The following EHF variants were observed in gnomAD, a reference collection of about 807,000 sequenced individuals.
The protein encoded by EHF is ETS homologous factor, also known as ESE3 transcription factor.
Under a neutral mutation model 45.1 loss-of-function variants are expected in EHF, and 14 were observed. That is an observed-to-expected ratio of 0.31 (90% CI 0.21 to 0.49). The LOEUF is 0.49. Among genes scored for constraint, EHF ranks in the 20% least tolerant of loss-of-function variants. The pLI, the probability that EHF is intolerant of heterozygous loss-of-function variation, is 0.99. For synonymous variants in EHF, 136 were observed against 131.8 expected, an observed-to-expected ratio of 1.03 and a Z score of -0.22; for missense variants, 282 against 371.4, an observed-to-expected ratio of 0.76 and a Z score of 1.98.
Position 34,628,804 on chromosome 11 carries a change from AAGTG to A in EHF, c.-4+7577_-4+7580del, listed in dbSNP as rs199695718. On this transcript the variant is annotated intron_variant, in intron 1 of 8. Transcript: ENST00000257831. ...GAAACATGGGTACAGGTGAAGGCAA[AAGTG>A]GGGACTGACCCTTTGGAGATGGCTG... Among the ~76,000 whole-genome samples, 174 of 152,254 alleles carry A rather than the reference AAGTG, an allele frequency of 1.1e-3. 1 individual carries two copies. Among genetic ancestry groups the A allele is most frequent in the African/African-American group, 4.0e-3 (168 of 41,524 alleles).
intron 6 of EHF, among the ~76,000 whole-genome samples, chr11:34,653,242 A>T (rs777418093): frequency 2.6e-5 from 4 of 152,092 alleles, no homozygotes; most frequent in African/African-American, 4.8e-5. Context: ...CTAAGAATAA[A>T]GCTGAACCAA....
chr11:34,648,638 T>C (rs1854822436), intron 3 of EHF, among the ~76,000 whole-genome samples: 1 of 152,222 alleles, frequency 6.6e-6, no homozygotes, highest in Non-Finnish European at 1.5e-5. Context: ...AGAAGTCATC[T>C]AGTGACCTTA....
Position 34,656,866 on chromosome 11 carries a change from T to C in EHF, c.545-42T>C, listed in dbSNP as rs754346123. ...GATGCATGAATAAAAAAGAGAATTA[T>C]AGGAAATAGGTCAATTAAACGCCTC... On this transcript the variant is annotated intron_variant, in intron 6 of 8. Transcript: ENST00000257831. 2.6e-5 allele frequency: 42 copies of C among 1,599,974 alleles called. No homozygotes were observed. The African/African-American group carries it at 4.8e-4, about 18-fold the overall frequency.
At chr11:34,628,642 T>C (rs1369772722) in intron 1 of EHF, among the ~76,000 whole-genome samples, 1 of 152,180 alleles carries the variant, frequency 6.6e-6, no homozygotes, top group Non-Finnish European at 1.5e-5. Context: ...ATGATAATGG[T>C]AATTTGTTGA....
intron 1 of EHF, among the ~76,000 whole-genome samples, chr11:34,622,952 CT>C (rs1285910309): frequency 6.6e-6 from 1 of 152,184 alleles, no homozygotes; most frequent in Non-Finnish European, 1.5e-5. Context: ...AGATGGTAGC[CT>C]TCATCAAGAC....
intron 1 of EHF, chr11:34,632,621 T>A: frequency 6.5e-7 from 1 of 1,535,700 alleles, no homozygotes; most frequent in Non-Finnish European, 8.7e-7. Flanking sequence ...GGATTGGTCC[T>A]GCTTTTAAGC....
intron 3 of EHF, 176 bp downstream of exon 3, chr11:34,646,860 G>C: frequency 1.3e-6 from 1 of 785,190 alleles, no homozygotes; most frequent in Non-Finnish European, 2.0e-6. Context: ...TTGAAGCATA[G>C]GGTACCTGGT....
intron 6 of EHF, among the ~76,000 whole-genome samples, chr11:34,656,025 T>G (rs571474706): frequency 6.6e-6 from 1 of 151,860 alleles, no homozygotes; most frequent in South Asian, 2.1e-4. Context: ...TGTGAGAGTC[T>G]TTGTAAGATC....
rs913809583 is a variant in EHF, at chr11:34,657,058, C to T, written c.607+88C>T. The T allele has an allele frequency of 4.1e-6, 6 of 1,458,610 alleles. No homozygotes were observed. The African/African-American group carries it at 5.6e-5, about 14-fold the overall frequency. 90.4% of individuals were successfully genotyped at this position (1,458,610 alleles called of 1,614,324 possible). A position where few individuals can be genotyped will look rare whatever the true frequency, so the allele number is the denominator to read the frequency against. On this transcript the variant is annotated intron_variant, in intron 7 of 8. Transcript: ENST00000257831. ...CCACTAGTTTTTTGGCAAATATCGCCTCTGTCTGCTGCCTTCATGTCTTCA... is the reference window on the plus strand; with the variant it reads ...CCACTAGTTTTTTGGCAAATATCGCTTCTGTCTGCTGCCTTCATGTCTTCA...
chr11:34,622,356 A>C lies in EHF; in HGVS notation c.-4+1128A>C, dbSNP rs183433458. 8.6e-5 allele frequency: 108 copies of C among 1,248,748 alleles called. No homozygotes were observed. In the East Asian group the frequency reaches 5.2e-3, roughly 60 times the overall value. 77.4% of individuals were successfully genotyped at this position (1,248,748 alleles called of 1,614,324 possible). ...TTGGTAACAGGGAGAAAGTGAGTGA[A>C]TGGATTCCAAGAACTTACTGATGGA... On this transcript the variant is annotated intron_variant, in intron 1 of 8. Transcript: ENST00000257831.
intron 6 of EHF, among the ~76,000 whole-genome samples, chr11:34,653,806 A>G (rs915322601): frequency 2.0e-5 from 3 of 152,240 alleles, no homozygotes; most frequent in Non-Finnish European, 4.4e-5. Context: ...AATTGAATGC[A>G]GTGAAATATC....
chr11:34,637,029 C>CAAAA (rs34992133), intron 1 of EHF, among the ~76,000 whole-genome samples: 13 of 86,870 alleles, frequency 1.5e-4, no homozygotes, highest in South Asian at 4.5e-4. Context: ...AACTTCATCT[C>CAAAA]AAAAAAAAAA....
chr11:34,624,164 C>A, intron 1 of EHF: 1 of 476,882 alleles, frequency 2.1e-6, no homozygotes, highest in Non-Finnish European at 2.7e-6. Context: ...TAAGATCGCT[C>A]TCTGGTAGAG....
At chr11:34,646,714 C>G (rs765072518) in intron 3 of EHF, 30 bp downstream of exon 3, 4 of 1,602,426 alleles carry the variant, frequency 2.5e-6, no homozygotes, top group Middle Eastern at 1.7e-4. Context: ...TCTCTCCCTA[C>G]CCTGCTAGGA....
chr11:34,652,372 G>A (rs529876073), intron 6 of EHF, among the ~76,000 whole-genome samples: 1 of 152,126 alleles, frequency 6.6e-6, no homozygotes, highest in South Asian at 2.1e-4. Flanking sequence ...TATGAGTTAC[G>A]TTCACTTTAG....
At chr11:34,647,055 AC>A (rs1389287216) in intron 3 of EHF, among the ~76,000 whole-genome samples, 6 of 150,262 alleles carry the variant, frequency 4.0e-5, no homozygotes, top group African/African-American at 1.5e-4. Context: ...AAAAAAAAAA[AC>A]AAAAAACAAA....
At position 34,642,566 on chromosome 11, in the gene EHF, C is replaced by T. The variant is rs12721522; in HGVS notation, c.-3-62C>T. On this transcript the variant is annotated intron_variant, in intron 1 of 8. Coordinates refer to ENST00000257831, the MANE Select transcript of EHF (RefSeq NM_012153.6). Reference sequence around the variant, plus strand: ...CTTCCTAAATTTACTCTGTGATCTGCACTTTCCAATGACATTTGTCCAAGA... The same window carrying T: ...CTTCCTAAATTTACTCTGTGATCTGTACTTTCCAATGACATTTGTCCAAGA... 9 of 1,028,804 alleles carry T rather than the reference C, an allele frequency of 8.7e-6. No homozygotes were observed. The African/African-American group carries it at 1.3e-4, about 14-fold the overall frequency. The allele number at this position is 1,028,804 out of a possible 1,614,324, so 63.7% of individuals were successfully genotyped here. A position where few individuals can be genotyped will look rare whatever the true frequency, so the allele number is the denominator to read the frequency against.
chr11:34,646,405 G>C, intron 2 of EHF, 34 bp from the exon 3 acceptor site: 2 of 1,611,990 alleles, frequency 1.2e-6, no homozygotes, highest in Non-Finnish European at 1.7e-6. Flanking sequence ...GGAACAGCCA[G>C]GGGTCACTCA....
At chr11:34,657,091 C>A (rs904830179) in intron 7 of EHF, 121 bp downstream of exon 7, 126 of 1,195,602 alleles carry the variant, frequency 1.1e-4, no homozygotes, top group Non-Finnish European at 1.4e-4. Context: ...TCATCCCAAA[C>A]AGGGTGGAGT....
Sources: gnomAD v4.1 joint callset for allele counts (sites outside exome capture counted in the v4.1 genomes callset) on GRCh38, gnomAD v4.1.1 for gene constraint, MANE v1.5 for transcripts, NCBI Gene and HGNC (gene_info 2026-07-23, HGNC 2026-07-21) for gene names.